The following ATG9B variants were observed in gnomAD, a reference collection of about 807,000 sequenced individuals.
The protein encoded by ATG9B is autophagy related 9B.
ATG9B carries 92 observed loss-of-function variants against 92.9 expected under a neutral mutation model. That is an observed-to-expected ratio of 0.99 (90% CI 0.84 to 1.18). The LOEUF is 1.18. Ranked by LOEUF, ATG9B falls within the 50% of genes most tolerant of loss-of-function variation. The pLI, the probability that ATG9B is intolerant of heterozygous loss-of-function variation, is 0.00. For synonymous variants in ATG9B, 599 were observed against 551.4 expected (o/e 1.09, Z -1.21); for missense variants, 1,344 against 1,235.0 (o/e 1.09, Z -1.32).
At chr7:151,013,481 C>G, downstream of ATG9B, 7 of 1,412,236 alleles carry the variant, frequency 5.0e-6, no homozygotes, top group Non-Finnish European at 4.8e-6. Context: ...CCCGTGGCCT[C>G]CCACGACCAC....
chr7:151,020,974 A>G (rs1336386648), intron 5 of ATG9B: 3 of 523,630 alleles, frequency 5.7e-6, no homozygotes, highest in African/African-American at 2.0e-5. Context: ...AGCCATCTAA[A>G]TAAACTAAAC....
Position 151,016,158 on chromosome 7 carries a change from G to C in ATG9B, c.2598C>G (p.Pro866=). 6.5e-7 allele frequency: 1 copy of C among 1,540,192 alleles called. No individual in the cohort carries two copies. Among genetic ancestry groups the C allele is most frequent in the Non-Finnish European group, 8.8e-7 (1 of 1,140,350 alleles). Residue 866 remains proline (P), a synonymous_variant, in exon 12 of 14, where the codon CCC becomes CCG. Coordinates refer to ENST00000639579, the MANE Select transcript of ATG9B (RefSeq NM_001317056.2). ...CCTCATCAGGCGAGGGTGGCTGTGAGGGGCTGGAGCAGGGCCTGGACAGGA... is the reference window on the plus strand; with the variant it reads ...CCTCATCAGGCGAGGGTGGCTGTGACGGGCTGGAGCAGGGCCTGGACAGGA... ...ASILSRPCSS[P]SQPPSPDEEK...
Position 151,018,254 on chromosome 7 carries a change from C to G in ATG9B, c.1872+40G>C. 1 of 1,514,624 alleles carries G rather than the reference C, an allele frequency of 6.6e-7. No homozygotes were observed. Among genetic ancestry groups the G allele is most frequent in the Non-Finnish European group, 8.8e-7 (1 of 1,141,148 alleles). 93.8% of individuals were successfully genotyped at this position (1,514,624 alleles called of 1,614,324 possible). ...ACAGACCCTCCGCGCAGACAGACCCCACAACTTCCTCCTCAGCCCGCCGTC... is the reference window on the plus strand; with the variant it reads ...ACAGACCCTCCGCGCAGACAGACCCGACAACTTCCTCCTCAGCCCGCCGTC... On this transcript the variant is annotated intron_variant, in intron 7 of 13. Transcript: ENST00000639579. This position sits in a 1 kb window ranked among gnomAD's most constrained non-coding sequence, Gnocchi z 4.7.
downstream of ATG9B, chr7:151,013,538 C>A: frequency 8.8e-7 from 1 of 1,130,408 alleles, no homozygotes. Flanking sequence ...CCCGGCCCCT[C>A]TAGGCCCGCC....
chr7:151,017,962 T>G lies in ATG9B; in HGVS notation c.1961A>C (p.Asp654Ala). The G allele has an allele frequency of 6.2e-7, 1 of 1,607,902 alleles. No individual in the cohort carries two copies. Among genetic ancestry groups the G allele is most frequent in the South Asian group, 1.1e-5 (1 of 89,838 alleles). Reference sequence around the variant, plus strand: ...ATCCACAGTGAAGTGATGAAAAAAGTCGATAATCTCCAGGGCACGAGGGCG... The same window carrying G: ...ATCCACAGTGAAGTGATGAAAAAAGGCGATAATCTCCAGGGCACGAGGGCG... ...WFRPRALEIIDFFHHFTVDVA... is the reference protein window; with the variant it reads ...WFRPRALEIIAFFHHFTVDVA... Residue 654 changes from aspartate (D) to alanine (A), a missense_variant, in exon 8 of 14, where the codon GAC (aspartate) becomes GCC (alanine). Physicochemically the swap from Asp to Ala is moderately radical, Grantham distance 126. Coordinates refer to ENST00000639579, the MANE Select transcript of ATG9B (RefSeq NM_001317056.2).
chr7:151,015,972 C>T lies in ATG9B; in HGVS notation c.2699G>A (p.Arg900Gln), dbSNP rs374704787. The T allele has an allele frequency of 7.1e-5, 110 of 1,551,552 alleles. No homozygotes were observed. The African/African-American group carries it at 1.2e-3, about 17-fold the overall frequency. Reference sequence around the variant, plus strand: ...CTGAAACCCTCCGGGGAACAGATTCCGGGCCTTCTGGGTTCCCCACTGTTG... The same window carrying T: ...CTGAAACCCTCCGGGGAACAGATTCTGGGCCTTCTGGGTTCCCCACTGTTG... ...PRQQWGTQKA[R>Q]NLFPGGFQVT... Residue 900 changes from arginine to glutamine, a missense_variant, in exon 13 of 14, where the codon CGG becomes CAG. Transcript: ENST00000639579.
In ATG9B at chr7:151,018,795, G is replaced by T; in HGVS notation, c.1543C>A (p.Arg515Ser). The T allele has an allele frequency of 3.8e-6, 5 of 1,326,766 alleles. No homozygotes were observed. The highest frequency in any genetic ancestry group is 1.5e-5 in the African/African-American group (1 of 64,988). 82.2% of individuals were successfully genotyped at this position (1,326,766 alleles called of 1,614,324 possible). The part of the protein sequence containing the change: ...RAYRPAAAFL[R>S]TAAPPAPLRT... ...AGGGGCGCGGGGGGCGCAGCGGTGC[G>T]CAGGAAGGCGGCGGCGGGGCGGTAG... Residue 515 changes from arginine to serine, a missense_variant, in exon 6 of 14, where the codon CGC becomes AGC. Physicochemically the swap from Arg to Ser is moderately radical, Grantham distance 110. Transcript: ENST00000639579. The surrounding 1 kb of genome is among the most constrained non-coding windows in gnomAD (Gnocchi z 4.7).
downstream of ATG9B, chr7:151,013,345 T>A (rs1795348967): frequency 6.2e-7 from 1 of 1,613,670 alleles, no homozygotes; most frequent in African/African-American, 1.3e-5. Flanking sequence ...GGCCGAGTCC[T>A]CACCGCCTTC....
Position 151,023,677 on chromosome 7 carries a change from C to T in ATG9B, c.594+10G>A, listed in dbSNP as rs778951445. ...CCATGCCACCTCTGCAGGCCTAGCG[C>T]AAAGGATATCTTGGTGAAGAAACTG... On this transcript the variant is annotated intron_variant, in intron 2 of 13. Transcript: ENST00000639579. The T allele has an allele frequency of 1.2e-5, 20 of 1,613,988 alleles. No homozygotes were observed. Among genetic ancestry groups the T allele is most frequent in the Non-Finnish European group, 1.6e-5 (19 of 1,180,014 alleles).
chr7:151,016,606 C>A, intron 10 of ATG9B, 79 bp from the exon 11 acceptor site: 1 of 1,544,958 alleles, frequency 6.5e-7, no homozygotes, highest in Non-Finnish European at 8.7e-7. Flanking sequence ...CTGAATCCCC[C>A]CTCAGCGCCC....
chr7:151,018,770 AGGGGCGCGG>A lies in ATG9B; in HGVS notation c.1559_1567del (p.Pro520_Pro522del). 1 of 1,484,070 alleles carries A rather than the reference AGGGGCGCGG, an allele frequency of 6.7e-7. No individual in the cohort carries two copies. The highest frequency in any genetic ancestry group is 8.9e-7 in the Non-Finnish European group (1 of 1,121,918). 91.9% of individuals were successfully genotyped at this position (1,484,070 alleles called of 1,614,324 possible). A position where few individuals can be genotyped will look rare whatever the true frequency, so the allele number is the denominator to read the frequency against. ...GAGCTGGCGGGCCAGCAGCGTGCGCAGGGGCGCGGGGGGCGCAGCGGTGCGCAGGAAGGC... is the reference window on the plus strand; with the variant it reads ...GAGCTGGCGGGCCAGCAGCGTGCGCAGGGGCGCAGCGGTGCGCAGGAAGGC... On this transcript the variant is annotated inframe_deletion, in exon 6 of 14. Transcript: ENST00000639579. The surrounding 1 kb of genome is among the most constrained non-coding windows in gnomAD (Gnocchi z 4.7).
intron 4 of ATG9B, 64 bp downstream of exon 4, chr7:151,022,981 C>G: frequency 6.3e-7 from 1 of 1,593,694 alleles, no homozygotes; most frequent in South Asian, 1.1e-5. Flanking sequence ...AAGTGGGGCT[C>G]CCGTCTACTC....
At chr7:151,023,813 G>A in intron 1 of ATG9B, 61 bp downstream of exon 1, 2 of 1,611,798 alleles carry the variant, frequency 1.2e-6, no homozygotes, top group Non-Finnish European at 1.7e-6. Context: ...GCCCAGCCTG[G>A]GATAAGTACT....
In ATG9B at chr7:151,023,150, T is replaced by A. The variant is rs372928665; in HGVS notation, c.716A>T (p.Asn239Ile). The A allele has an allele frequency of 1.9e-6, 3 of 1,614,110 alleles. No individual in the cohort carries two copies. Among genetic ancestry groups the A allele is most frequent in the African/African-American group, 1.3e-5 (1 of 75,008 alleles). ...ACTTGGTTGGTTGGCAAAGAGAACA[T>A]TGTAATCCACGCATCGAAGGAGGAA... Reference protein sequence around the residue: ...TTFLLRCVDYNVLFANQPSNH... With the variant: ...TTFLLRCVDYIVLFANQPSNH... Residue 239 changes from asparagine to isoleucine, a missense_variant, in exon 4 of 14, where the codon AAT becomes ATT. By Grantham distance (149) the Asn-to-Ile change is moderately radical. Transcript: ENST00000639579.
rs763653289 is a variant in ATG9B at position 151,019,334 on chromosome 7, C to T, written c.1004G>A (p.Arg335His). 2.6e-6 allele frequency: 4 copies of T among 1,551,738 alleles called. No homozygotes were observed. In the Admixed American group the frequency reaches 5.5e-5, roughly 21 times the overall value. Reference sequence around the variant, plus strand: ...CCCGCTCCGCTGCAGTGCCAAGAGGCGGGACTGCACCTCTGCCCAGGGAAC... The same window carrying T: ...CCCGCTCCGCTGCAGTGCCAAGAGGTGGGACTGCACCTCTGCCCAGGGAAC... ...SSVPWAEVQS[R>H]LLALQRSGGL... The change falls in exon 6 of 14, where the codon CGC becomes CAC. Residue 335 changes from arginine (R) to histidine (H), a missense_variant. Transcript: ENST00000639579.
At position 151,024,142 on chromosome 7, in the gene ATG9B, TG is replaced by T. The variant is rs763448141; in HGVS notation, c.281del (p.Pro94GlnfsTer12). 5 of 1,583,070 alleles carry T rather than the reference TG, an allele frequency of 3.2e-6. No homozygotes were observed. In the East Asian group the frequency reaches 9.0e-5, roughly 28 times the overall value. On this transcript the variant is annotated frameshift_variant, in exon 1 of 14. Coordinates refer to ENST00000639579, the MANE Select transcript of ATG9B (RefSeq NM_001317056.2). LOFTEE classifies it high-confidence loss of function. ...GTTGAGCCTGTGTTGGGGGGGTGGC[TG>T]GGATAGGGAGAGCACTGTGGCAAGA... ...SQSCHSALPI[P>X]ATPPTQAQPA...
In ATG9B at chr7:151,019,353, A is replaced by G; in HGVS notation, c.985T>C (p.Trp329Arg). ...IPPEELSSVP[W>R]AEVQSRLLAL... Reference sequence around the variant, plus strand: ...AAGAGGCGGGACTGCACCTCTGCCCAGGGAACCGAGCTCAGCTCCTCCTGA... The same window carrying G: ...AAGAGGCGGGACTGCACCTCTGCCCGGGGAACCGAGCTCAGCTCCTCCTGA... Residue 329 changes from tryptophan (W) to arginine (R), a missense_variant, in exon 6 of 14, where the codon TGG becomes CGG. Physicochemically the swap from Trp to Arg is moderately radical, Grantham distance 101. Coordinates refer to ENST00000639579, the MANE Select transcript of ATG9B (RefSeq NM_001317056.2). 1 of 1,529,988 alleles carries G rather than the reference A, an allele frequency of 6.5e-7. No individual in the cohort carries two copies. Among genetic ancestry groups the G allele is most frequent in the Non-Finnish European group, 8.7e-7 (1 of 1,145,836 alleles). The allele number at this position is 1,529,988 out of a possible 1,614,324, so 94.8% of individuals were successfully genotyped here. A position where few individuals can be genotyped will look rare whatever the true frequency, so the allele number is the denominator to read the frequency against.
At position 151,021,250 on chromosome 7, in the gene ATG9B, A is replaced by T. The variant is rs1269415211; in HGVS notation, c.901T>A (p.Cys301Ser). 3.1e-6 allele frequency: 5 copies of T among 1,613,610 alleles called. No homozygotes were observed. Among genetic ancestry groups the T allele is most frequent in the Non-Finnish European group, 4.2e-6 (5 of 1,179,952 alleles). The change falls in exon 5 of 14, where the codon TGC (cysteine) becomes AGC (serine). Residue 301 changes from cysteine (C) to serine (S), a missense_variant. Transcript: ENST00000639579. Reference protein sequence around the residue: ...FWLVQLLRSVCNLFSYWDIQV... With the variant: ...FWLVQLLRSVSNLFSYWDIQV... ...ATGTCCCAGTAGCTGAAGAGGTTGC[A>T]GACTGAGCGAAGCAGTTGGACCAGC... is the stretch of plus-strand genomic sequence containing the variant.
rs1317984604 is a variant in ATG9B at position 151,018,624 on chromosome 7, C to G, written c.1714G>C (p.Ala572Pro). Residue 572 changes from alanine (A) to proline (P), a missense_variant, in exon 6 of 14, where the codon GCC becomes CCC. Physicochemically the swap from Ala to Pro is conservative, Grantham distance 27 (BLOSUM62 -1). Transcript: ENST00000639579. This position sits in a 1 kb window ranked among gnomAD's most constrained non-coding sequence, Gnocchi z 4.7. ...MTALGVTATV[A>P]RSFIPEEQCQ... Reference sequence around the variant, plus strand: ...CCCGGGCATCTGCCGTCGCACCTGGCGACGGTGGCGGTGACCCCGAGCGCG... The same window carrying G: ...CCCGGGCATCTGCCGTCGCACCTGGGGACGGTGGCGGTGACCCCGAGCGCG... 2 of 1,602,710 alleles carry G rather than the reference C, an allele frequency of 1.2e-6. No individual in the cohort carries two copies. The highest frequency in any genetic ancestry group is 1.7e-5 in the Admixed American group (1 of 59,300).
Sources: gnomAD v4.1 joint callset for allele counts on GRCh38, gnomAD v4.1.1 for gene constraint, Gnocchi (gnomAD v3.1) non-coding constraint, MANE v1.5 for transcripts, NCBI Gene and HGNC (gene_info 2026-07-23, HGNC 2026-07-21) for gene names.